DPY19L1: variants seen among roughly 807,000 people sequenced by gnomAD.
DPY19L1 encodes the protein dpy-19 like C-mannosyltransferase 1.
DPY19L1 carries 35 observed loss-of-function variants against 96.9 expected under a neutral mutation model. That is an observed-to-expected ratio of 0.36 (90% confidence interval 0.28 to 0.48). The LOEUF is 0.48. Ranked by LOEUF, DPY19L1 falls within the 20% of genes least tolerant of loss-of-function variation. The pLI, the probability that DPY19L1 is intolerant of heterozygous loss-of-function variation, is 0.99. For synonymous variants in DPY19L1, 205 were observed against 252.6 expected (o/e 0.81, Z 1.79); for missense variants, 521 against 777.9 (o/e 0.67, Z 3.93).
intron 21 of DPY19L1, among the ~76,000 whole-genome samples, chr7:34,933,948 A>G (rs1783810976): frequency 6.6e-6 from 1 of 151,920 alleles, no homozygotes; most frequent in African/African-American, 2.4e-5. Flanking sequence ...AATAAACTCC[A>G]TTTCATATAT....
At chr7:35,029,897 A>T (rs1786219959) in intron 1 of DPY19L1, among the ~76,000 whole-genome samples, 1 of 152,228 alleles carries the variant, frequency 6.6e-6, no homozygotes, top group South Asian at 2.1e-4. Context: ...CAAAGACAAG[A>T]GAACTCAACT....
intron 7 of DPY19L1, among the ~76,000 whole-genome samples, chr7:34,974,261 A>AT (rs1311531206): frequency 2.0e-5 from 3 of 152,210 alleles, no homozygotes; most frequent in African/African-American, 7.2e-5. Flanking sequence ...TAGACTAAAC[A>AT]TATTAGTAAG....
At chr7:34,967,268 T>TA (rs1784631432) in intron 9 of DPY19L1, among the ~76,000 whole-genome samples, 1 of 152,174 alleles carries the variant, frequency 6.6e-6, no homozygotes, top group Non-Finnish European at 1.5e-5. Context: ...CATGTACAAT[T>TA]AAAAAGTGCC....
intron 6 of DPY19L1, among the ~76,000 whole-genome samples, chr7:35,004,065 G>A (rs560239920): frequency 1.3e-5 from 2 of 152,162 alleles, no homozygotes; most frequent in Non-Finnish European, 2.9e-5. Flanking sequence ...TAAACTACAG[G>A]AGCCTTTTGT....
chr7:34,973,651 A>C (rs1784774534), intron 7 of DPY19L1, 46 bp from the exon 8 acceptor site: 1 of 1,042,994 alleles, frequency 9.6e-7, no homozygotes, highest in East Asian at 3.1e-5. Context: ...AAATTTACTA[A>C]GACATTCCAA....
rs994032002 is a variant in DPY19L1 at position 34,932,838 on chromosome 7, CAT to C, written c.2091-1111_2091-1110del. Among the ~76,000 whole-genome samples the C allele has an allele frequency of 3.4e-4, 52 of 152,062 alleles. 1 individual carries two copies. The highest frequency in any genetic ancestry group is 9.2e-4 in the Admixed American group (14 of 15,272). ...AAATTATAGAGAATTGACAACTGCT[CAT>C]GTTTGTCATAATTGCATCCCTTTTT... On this transcript the variant is annotated intron_variant, in intron 21 of 21. Coordinates refer to ENST00000638088, the MANE Select transcript of DPY19L1 (RefSeq NM_001366673.1).
chr7:35,006,298 A>G (rs1321375919), intron 6 of DPY19L1, among the ~76,000 whole-genome samples: 1 of 152,222 alleles, frequency 6.6e-6, no homozygotes, highest in East Asian at 1.9e-4. Context: ...CCGAACTCCA[A>G]AATAATACTA....
chr7:35,002,331 A>C (rs1340681646), intron 6 of DPY19L1, among the ~76,000 whole-genome samples: 1 of 152,040 alleles, frequency 6.6e-6, no homozygotes, highest in Non-Finnish European at 1.5e-5. Context: ...GGAAATTAAA[A>C]GCATGATAAT....
intron 5 of DPY19L1, 48 bp downstream of exon 5, chr7:35,011,282 T>G: frequency 6.3e-7 from 1 of 1,595,438 alleles, no homozygotes. Context: ...TAGATAAGTT[T>G]ATTATGTTAC....
chr7:34,992,284 T>A (rs1785187276), intron 6 of DPY19L1, among the ~76,000 whole-genome samples: 1 of 152,234 alleles, frequency 6.6e-6, no homozygotes, highest in Non-Finnish European at 1.5e-5. Context: ...TTATTCATAT[T>A]CTTGTCTATT....
chr7:34,957,880 A>G (rs1437417262), intron 11 of DPY19L1, 104 bp downstream of exon 11: 11 of 694,228 alleles, frequency 1.6e-5, no homozygotes, highest in Admixed American at 6.9e-5. Flanking sequence ...AAGACACTTA[A>G]GATGGTTCCT....
At chr7:34,950,597 A>G (rs1485762189) in intron 13 of DPY19L1, among the ~76,000 whole-genome samples, 2 of 152,204 alleles carry the variant, frequency 1.3e-5, no homozygotes, top group Non-Finnish European at 2.9e-5. Flanking sequence ...TATATCTAGG[A>G]CAAACCATGA....
intron 4 of DPY19L1, among the ~76,000 whole-genome samples, chr7:35,011,980 T>C (rs543966693): frequency 1.3e-5 from 2 of 152,344 alleles, no homozygotes; most frequent in Admixed American, 1.3e-4. Flanking sequence ...TCAATAACCA[T>C]GGTACAAGCG....
intron 10 of DPY19L1, among the ~76,000 whole-genome samples, chr7:34,958,809 T>G (rs1041095322): frequency 3.3e-5 from 5 of 152,226 alleles, no homozygotes; most frequent in African/African-American, 1.2e-4. Context: ...GTTACCTCAT[T>G]GTTTCACTTT....
At chr7:34,932,602 G>T (rs754747372) in intron 21 of DPY19L1, among the ~76,000 whole-genome samples, 1 of 152,190 alleles carries the variant, frequency 6.6e-6, no homozygotes, top group Non-Finnish European at 1.5e-5. Context: ...TCAATTTAAA[G>T]AAATTCTGGT....
At chr7:34,953,745 T>C (rs534774668) in intron 13 of DPY19L1, among the ~76,000 whole-genome samples, 72 of 152,338 alleles carry the variant, frequency 4.7e-4, no homozygotes, top group African/African-American at 1.6e-3. Context: ...TTTTCAACTA[T>C]AGTTTTATAG....
At chr7:34,957,389 A>AAAACAAAC (rs1181020012) in intron 11 of DPY19L1, among the ~76,000 whole-genome samples, 5 of 151,678 alleles carry the variant, frequency 3.3e-5, no homozygotes, top group African/African-American at 1.2e-4. Context: ...AAAACAAAAC[A>AAAACAAAC]AAACAAACAA....
chr7:34,977,115 AT>A (rs1394979734), intron 7 of DPY19L1, among the ~76,000 whole-genome samples: 1 of 152,174 alleles, frequency 6.6e-6, no homozygotes, highest in African/African-American at 2.4e-5. Context: ...ACATAATGCT[AT>A]TTCACACTTA....
intron 6 of DPY19L1, among the ~76,000 whole-genome samples, chr7:35,007,529 A>G (rs1785588831): frequency 6.6e-6 from 1 of 152,154 alleles, no homozygotes; most frequent in African/African-American, 2.4e-5. Context: ...TAGTCTACAG[A>G]CTTTTTTACA....
Sources: allele counts gnomAD v4.1 joint callset (sites outside exome capture counted in the v4.1 genomes callset), GRCh38; gene constraint gnomAD v4.1.1; transcripts MANE v1.5; gene names NCBI Gene and HGNC (gene_info 2026-07-23, HGNC 2026-07-21).